The following CHST12 variants were observed in gnomAD, a reference collection of about 807,000 sequenced individuals.
The protein encoded by CHST12 is carbohydrate sulfotransferase 12, also known as carbohydrate (chondroitin 4) sulfotransferase 12.
Under a neutral mutation model 27.9 loss-of-function variants are expected in CHST12, and 23 were observed. The ratio of observed to expected loss-of-function variants is 0.82; its 90% CI spans 0.59 to 1.17. The LOEUF (loss-of-function observed/expected upper bound fraction) is 1.17, where lower values mean the gene tolerates loss of function less well. Ranked by LOEUF, CHST12 falls within the 50% of genes most tolerant of loss-of-function variation. CHST12 has a pLI of 0.00. For missense variants in CHST12, 682 were observed against 603.0 expected, an observed-to-expected ratio of 1.13 and a Z score of -1.37; for synonymous variants, 322 against 273.0, an observed-to-expected ratio of 1.18 and a Z score of -1.77.
intron 1 of CHST12, among the ~76,000 whole-genome samples, chr7:2,416,466 C>T (rs185770446): frequency 1.2e-3 from 176 of 152,290 alleles, no homozygotes; most frequent in Non-Finnish European, 2.2e-3. Flanking sequence ...GTTTACTTTG[C>T]CCAGATCCTA....
In CHST12 at chr7:2,412,057, G is replaced by A. The variant is rs538538953; in HGVS notation, c.-78+8384G>A. 2.0e-5 allele frequency among the ~76,000 whole-genome samples: 3 copies of A among 152,298 alleles called. No individual in the cohort carries two copies. In the South Asian group the frequency reaches 6.2e-4, roughly 32 times the overall value. On this transcript the variant is annotated intron_variant, in intron 1 of 1. Coordinates refer to ENST00000618655, the MANE Select transcript of CHST12 (RefSeq NM_018641.5). Reference sequence around the variant, plus strand: ...CTGATAGCCTCTGTGCTCTAGGACCGGCTCTGCAGGGAAGTTACTTTACTT... The same window carrying A: ...CTGATAGCCTCTGTGCTCTAGGACCAGCTCTGCAGGGAAGTTACTTTACTT...
chr7:2,421,303 T>C (rs1482542706), intron 1 of CHST12, among the ~76,000 whole-genome samples: 1 of 148,396 alleles, frequency 6.7e-6, no homozygotes, highest in East Asian at 2.0e-4. Flanking sequence ...TGGGATGCAG[T>C]GGCAACATCA....
chr7:2,425,418 A>G (rs1782089571), intron 1 of CHST12, among the ~76,000 whole-genome samples: 2 of 152,018 alleles, frequency 1.3e-5, no homozygotes, highest in African/African-American at 4.8e-5. Flanking sequence ...TATATTTCAT[A>G]TTCACCTTTT....
At chr7:2,431,243 C>A (rs1467460307) in intron 1 of CHST12, among the ~76,000 whole-genome samples, 1 of 152,152 alleles carries the variant, frequency 6.6e-6, no homozygotes, top group East Asian at 1.9e-4. Flanking sequence ...TATGTAATGT[C>A]CTTTTGTCTC....
At chr7:2,428,636 C>T (rs1388481252) in intron 1 of CHST12, among the ~76,000 whole-genome samples, 1 of 152,092 alleles carries the variant, frequency 6.6e-6, no homozygotes, top group African/African-American at 2.4e-5. Flanking sequence ...GAGATGGTCA[C>T]ATGGGGATGA....
rs1438485843 is a variant in CHST12, at chr7:2,437,277, G to A, written c.*3393G>A. 2 of 152,252 alleles carry A rather than the reference G, an allele frequency of 1.3e-5. No individual in the cohort carries two copies. Among genetic ancestry groups the A allele is most frequent in the African/African-American group, 2.4e-5 (1 of 41,448 alleles). 9.4% of individuals were successfully genotyped at this position (152,252 alleles called of 1,614,324 possible). The stretch of plus-strand genomic sequence containing the variant: ...GTCTCTTGTGTGATGGCTGCGCCTC[G>A]AATCAGTGGGAGGGCACCTCGCCCG... On this transcript the variant is annotated 3_prime_UTR_variant, in exon 2 of 2. Transcript: ENST00000618655.
intron 1 of CHST12, among the ~76,000 whole-genome samples, chr7:2,418,096 T>C (rs1781858073): frequency 6.6e-6 from 1 of 152,218 alleles, no homozygotes; most frequent in East Asian, 1.9e-4. Flanking sequence ...CTTTCTCTAG[T>C]GTTTTGCCCA....
At chr7:2,414,340 A>G (rs1203102583) in intron 1 of CHST12, among the ~76,000 whole-genome samples, 5 of 150,856 alleles carry the variant, frequency 3.3e-5, no homozygotes, top group East Asian at 2.0e-4. Flanking sequence ...CTGGAGCGCA[A>G]TGGTGTGATC....
rs1782521034 is a variant in CHST12 at position 2,438,281 on chromosome 7, T to G, written c.*4397T>G. 1 of 152,194 alleles carries G rather than the reference T, an allele frequency of 6.6e-6. No individual in the cohort carries two copies. The highest frequency in any genetic ancestry group is 1.5e-5 in the Non-Finnish European group (1 of 68,030). The allele number at this position is 152,194 out of a possible 1,614,324, so 9.4% of individuals were successfully genotyped here. A position where few individuals can be genotyped will look rare whatever the true frequency, so the allele number is the denominator to read the frequency against. Reference sequence around the variant, plus strand: ...GCAGAATGTTGGGGCCACACCAACGTCCCCAGAGTCTTCTCCCTAGAGTCT... The same window carrying G: ...GCAGAATGTTGGGGCCACACCAACGGCCCCAGAGTCTTCTCCCTAGAGTCT... On this transcript the variant is annotated 3_prime_UTR_variant, in exon 2 of 2. Coordinates refer to ENST00000618655, the MANE Select transcript of CHST12 (RefSeq NM_018641.5).
intron 1 of CHST12, among the ~76,000 whole-genome samples, chr7:2,421,585 C>T (rs1386223844): frequency 1.3e-5 from 2 of 151,966 alleles, no homozygotes; most frequent in Admixed American, 6.6e-5. Context: ...TACAAGTGTA[C>T]ACCACCATGC....
intron 1 of CHST12, among the ~76,000 whole-genome samples, chr7:2,431,905 G>A (rs1379604138): frequency 6.6e-6 from 1 of 152,086 alleles, no homozygotes; most frequent in Non-Finnish European, 1.5e-5. Flanking sequence ...GACACCAATA[G>A]CAAATGCAGG....
intron 1 of CHST12, among the ~76,000 whole-genome samples, chr7:2,408,872 A>G (rs1239985441): frequency 6.6e-6 from 1 of 152,204 alleles, no homozygotes; most frequent in African/African-American, 2.4e-5. Flanking sequence ...AAGAGCAGAC[A>G]TGTCCTGACC....
At chr7:2,418,764 T>C (rs12533091) in intron 1 of CHST12, among the ~76,000 whole-genome samples, 33,957 of 152,092 alleles carry the variant, frequency 0.22, 4,236 homozygotes, top group African/African-American at 0.35. Context: ...CCAGACATTC[T>C]TGTATGTCCA....
At chr7:2,405,935 C>T (rs1288093781) in intron 1 of CHST12, among the ~76,000 whole-genome samples, 3 of 152,132 alleles carry the variant, frequency 2.0e-5, no homozygotes, top group African/African-American at 7.2e-5. Flanking sequence ...GGATCCAGAG[C>T]TGAAGAGAGG....
intron 1 of CHST12, among the ~76,000 whole-genome samples, chr7:2,422,406 G>T (rs1269728953): frequency 1.3e-5 from 2 of 149,528 alleles, no homozygotes; most frequent in African/African-American, 4.9e-5. Flanking sequence ...CACCATGCCC[G>T]GCTTATTTTG....
chr7:2,444,064 C>G lies in CHST12; in HGVS notation c.*10180C>G, dbSNP rs1446443384. ...CTTTGGGAGGCCGAGGCGGGCGGATCACGAGGTCAGGAGATCGAGACCATC... is the reference window on the plus strand; with the variant it reads ...CTTTGGGAGGCCGAGGCGGGCGGATGACGAGGTCAGGAGATCGAGACCATC... On this transcript the variant is annotated 3_prime_UTR_variant, in exon 2 of 2. Transcript: ENST00000618655. 1 of 151,330 alleles carries G rather than the reference C, an allele frequency of 6.6e-6. No homozygotes were observed. The highest frequency in any genetic ancestry group is 1.5e-5 in the Non-Finnish European group (1 of 67,788). 9.4% of individuals were successfully genotyped at this position (151,330 alleles called of 1,614,324 possible). A position where few individuals can be genotyped will look rare whatever the true frequency, so the allele number is the denominator to read the frequency against.
rs547693926 is a variant in CHST12 at position 2,444,119 on chromosome 7, C to T, written c.*10235C>T. ...CTAAAACGGTGAAACCCCGTCTCTA[C>T]TAAAAATACAAAAAATTAGCCGGGC... On this transcript the variant is annotated 3_prime_UTR_variant, in exon 2 of 2. Transcript: ENST00000618655. The T allele has an allele frequency of 1.3e-5, 2 of 151,138 alleles. No individual in the cohort carries two copies. The highest frequency in any genetic ancestry group is 6.6e-5 in the Admixed American group (1 of 15,148). 9.4% of individuals were successfully genotyped at this position (151,138 alleles called of 1,614,324 possible). A position where few individuals can be genotyped will look rare whatever the true frequency, so the allele number is the denominator to read the frequency against.
Position 2,432,874 on chromosome 7 carries a change from A to T in CHST12, c.235A>T (p.Lys79Ter). The T allele has an allele frequency of 6.2e-7, 1 of 1,613,658 alleles. No individual in the cohort carries two copies. The highest frequency in any genetic ancestry group is 1.1e-5 in the South Asian group (1 of 91,088). The change falls in exon 2 of 2, where the codon AAG becomes TAG. Residue 79 changes from lysine (K) to a stop codon, truncating the protein, a stop_gained. Coordinates refer to ENST00000618655, the MANE Select transcript of CHST12 (RefSeq NM_018641.5). LOFTEE classifies it high-confidence loss of function. The part of the protein sequence containing the change: ...FLDKFLSAGV[K>*]QSDLPRKETE... The stretch of plus-strand genomic sequence containing the variant: ...GGACAAGTTTCTCAGTGCTGGCGTG[A>T]AGCAGAGCGACCTTCCCAGAAAGGA...
chr7:2,414,004 C>G (rs950247748), intron 1 of CHST12, among the ~76,000 whole-genome samples: 1 of 152,016 alleles, frequency 6.6e-6, no homozygotes, highest in Non-Finnish European at 1.5e-5. Flanking sequence ...GCTGGGATTA[C>G]GGGCATGAGC....
Sources: gnomAD v4.1 joint callset for allele counts (sites outside exome capture counted in the v4.1 genomes callset) on GRCh38, gnomAD v4.1.1 for gene constraint, MANE v1.5 for transcripts, NCBI Gene and HGNC (gene_info 2026-07-23, HGNC 2026-07-21) for gene names.